Variants in WWC2 observed in about 807,000 individuals in gnomAD.
WWC2 encodes the protein protein WWC2.
A neutral mutation model predicts 138.5 loss-of-function variants in WWC2; 101 were observed. That is an observed-to-expected ratio of 0.73 (90% CI 0.62 to 0.86). The LOEUF (loss-of-function observed/expected upper bound fraction) is 0.86, where lower values mean the gene tolerates loss of function less well. Ranked by LOEUF, WWC2 falls within the 40% of genes least tolerant of loss-of-function variation. The probability of loss-of-function intolerance (pLI) is 0.00; values close to 1 mark genes in which losing one functional copy is unlikely to be tolerated. For synonymous variants in WWC2, 558 were observed against 538.4 expected, an observed-to-expected ratio of 1.04 and a Z score of -0.50; for missense variants, 1,420 against 1,419.4, an observed-to-expected ratio of 1.00 and a Z score of -0.01.
At chr4:183,110,280 T>A (rs1732192037) in intron 1 of WWC2, among the ~76,000 whole-genome samples, 1 of 152,226 alleles carries the variant, frequency 6.6e-6, no homozygotes, top group Admixed American at 6.5e-5. Flanking sequence ...TATAGTATTA[T>A]GCTTTGGTAG....
chr4:183,208,100 A>T lies in WWC2; in HGVS notation c.389A>T (p.Asp130Val). Residue 130 changes from aspartate to valine, a missense_variant, in exon 3 of 23, where the codon GAT becomes GTT. Transcript: ENST00000403733. The stretch of plus-strand genomic sequence containing the variant: ...GAGCAGAGGCTGGCGCTGGCCCTGG[A>T]TGAATACGTGCGATTAAATGATGCC... ...VKEQRLALAL[D>V]EYVRLNDAYK... The T allele has an allele frequency of 6.2e-7, 1 of 1,613,838 alleles. No homozygotes were observed. Among genetic ancestry groups the T allele is most frequent in the South Asian group, 1.1e-5 (1 of 91,078 alleles).
In WWC2 at chr4:183,207,975, A is replaced by G. The variant is rs1326919424; in HGVS notation, c.264A>G (p.Pro88=). 4.3e-6 allele frequency: 7 copies of G among 1,611,342 alleles called. No individual in the cohort carries two copies. In the East Asian group the frequency reaches 1.6e-4, roughly 36 times the overall value. The change falls in exon 3 of 23, where the codon CCA becomes CCG. Residue 88 remains proline, a synonymous_variant. Transcript: ENST00000403733. ...HINKTTQIED[P]RKQWRGEQEK... ...CAGAAACCACGCAGATAGAAGATCC[A>G]AGAAAACAATGGAGGGGGGAACAGG...
chr4:183,204,572 T>C (rs1735391267), intron 2 of WWC2, among the ~76,000 whole-genome samples: 1 of 152,228 alleles, frequency 6.6e-6, no homozygotes, highest in Non-Finnish European at 1.5e-5. Flanking sequence ...CAGTCATTCA[T>C]TTGAACCTTG....
chr4:183,129,921 C>T (rs1732870485), intron 1 of WWC2, among the ~76,000 whole-genome samples: 1 of 152,202 alleles, frequency 6.6e-6, no homozygotes, highest in South Asian at 2.1e-4. Flanking sequence ...CCTCTTTTCT[C>T]TTCAGCAGAG....
Position 183,248,782 on chromosome 4 carries a change from A to G in WWC2, c.801A>G (p.Arg267=). The change falls in exon 7 of 23, where the codon AGA becomes AGG. Residue 267 remains arginine (R), a synonymous_variant. Coordinates refer to ENST00000403733, the MANE Select transcript of WWC2 (RefSeq NM_024949.6). Reference sequence around the variant, plus strand: ...TTGGCAGATCTGAGCCAGATTTGAGATGTAGTCCTGTGAACTCTCATTTAT... The same window carrying G: ...TTGGCAGATCTGAGCCAGATTTGAGGTGTAGTCCTGTGAACTCTCATTTAT... ...QNIGRSEPDL[R]CSPVNSHLCL... 1.2e-6 allele frequency: 2 copies of G among 1,604,420 alleles called. No individual in the cohort carries two copies. The highest frequency in any genetic ancestry group is 2.2e-5 in the East Asian group (1 of 44,726).
chr4:183,229,341 T>A (rs1736172043), intron 4 of WWC2, among the ~76,000 whole-genome samples: 1 of 152,088 alleles, frequency 6.6e-6, no homozygotes, highest in African/African-American at 2.4e-5. Flanking sequence ...AAGAGGATAT[T>A]TGCATTGCTT....
chr4:183,320,097 T>C lies in WWC2; in HGVS notation c.*4368T>C. The C allele has an allele frequency of 6.2e-7, 1 of 1,614,158 alleles. No individual in the cohort carries two copies. The highest frequency in any genetic ancestry group is 8.5e-7 in the Non-Finnish European group (1 of 1,180,030). ...TCCCATGGTCCAGTTTTCCATTTCA[T>C]TTAAGTCCAGGTTGAGGTTCTTCCA... On this transcript the variant is annotated 3_prime_UTR_variant, in exon 23 of 23. Transcript: ENST00000403733.
chr4:183,206,089 C>A (rs1388673730), intron 2 of WWC2, among the ~76,000 whole-genome samples: 4 of 152,016 alleles, frequency 2.6e-5, no homozygotes, highest in African/African-American at 7.2e-5. Context: ...TTGAGTTACC[C>A]CTCTTTGCAC....
intron 16 of WWC2, among the ~76,000 whole-genome samples, chr4:183,276,236 G>C (rs1027836420): frequency 5.9e-5 from 9 of 151,858 alleles, no homozygotes; most frequent in Non-Finnish European, 1.2e-4. Context: ...CTTATAAGCA[G>C]TATGTAGTTG....
At chr4:183,166,965 T>C (rs1055687774) in intron 1 of WWC2, among the ~76,000 whole-genome samples, 2 of 152,200 alleles carry the variant, frequency 1.3e-5, no homozygotes, top group Non-Finnish European at 2.9e-5. Context: ...AGCTTAGACA[T>C]GTAGTTAATA....
rs142782451 is a variant in WWC2 at position 183,299,188 on chromosome 4, A to T, written c.3384+9553A>T. On this transcript the variant is annotated intron_variant, in intron 21 of 22. Transcript: ENST00000403733. ...AGGAGAGAGATCCCACTCCCAAAAAAGCTATTTGATTAGGGTATTACACCC... is the reference window on the plus strand; with the variant it reads ...AGGAGAGAGATCCCACTCCCAAAAATGCTATTTGATTAGGGTATTACACCC... 5.2e-3 allele frequency among the ~76,000 whole-genome samples: 791 copies of T among 152,228 alleles called. 11 individuals carry two copies. Among genetic ancestry groups the T allele is most frequent in the African/African-American group, 0.018 (736 of 41,528 alleles).
chr4:183,100,300 G>A (rs1236989631), intron 1 of WWC2, among the ~76,000 whole-genome samples: 1 of 152,254 alleles, frequency 6.6e-6, no homozygotes, highest in Non-Finnish European at 1.5e-5. Context: ...GGGAGATGTA[G>A]TGAAATTAAC....
chr4:183,299,811 AAAGTGCCT>A (rs1274185387), intron 21 of WWC2, among the ~76,000 whole-genome samples: 1 of 152,154 alleles, frequency 6.6e-6, no homozygotes, highest in Non-Finnish European at 1.5e-5. Context: ...AGATGACCAT[AAAGTGCCT>A]AAGGATGAGC....
At chr4:183,237,465 G>A (rs1736462703) in intron 4 of WWC2, among the ~76,000 whole-genome samples, 1 of 152,008 alleles carries the variant, frequency 6.6e-6, no homozygotes, top group Non-Finnish European at 1.5e-5. Flanking sequence ...GTGATATACT[G>A]CGAATGAGCT....
chr4:183,224,049 G>T (rs1441271734), intron 4 of WWC2, among the ~76,000 whole-genome samples: 5 of 151,962 alleles, frequency 3.3e-5, no homozygotes, highest in East Asian at 3.9e-4. Context: ...AATTTTAATC[G>T]CCCTCTTTTC....
intron 16 of WWC2, among the ~76,000 whole-genome samples, chr4:183,278,244 C>A (rs1370072697): frequency 1.3e-5 from 2 of 152,016 alleles, no homozygotes; most frequent in Non-Finnish European, 1.5e-5. Flanking sequence ...AATCCTTTCC[C>A]CATTTCTTGT....
intron 1 of WWC2, among the ~76,000 whole-genome samples, chr4:183,137,333 T>C (rs1187012525): frequency 6.6e-6 from 1 of 152,222 alleles, no homozygotes; most frequent in African/African-American, 2.4e-5. Context: ...AAAATATCTT[T>C]TCTTTGTGTC....
At chr4:183,173,254 G>A (rs1311267754) in intron 1 of WWC2, among the ~76,000 whole-genome samples, 1 of 152,004 alleles carries the variant, frequency 6.6e-6, no homozygotes. Flanking sequence ...GTCTTGTTAT[G>A]TTGCCCAGGC....
intron 1 of WWC2, among the ~76,000 whole-genome samples, chr4:183,175,492 C>T (rs912107855): frequency 1.8e-4 from 27 of 152,068 alleles, no homozygotes; most frequent in African/African-American, 5.3e-4. Flanking sequence ...CAAACCCCTG[C>T]GCTCAAATGA....
Sources: gnomAD v4.1 joint callset for allele counts (sites outside exome capture counted in the v4.1 genomes callset) on GRCh38, gnomAD v4.1.1 for gene constraint, MANE v1.5 for transcripts, NCBI Gene and HGNC (gene_info 2026-07-23, HGNC 2026-07-21) for gene names.